PNLIPRP3: variants seen among roughly 807,000 people sequenced by gnomAD.
The protein encoded by PNLIPRP3 is pancreatic lipase-related protein 3.
In PNLIPRP3, 58 loss-of-function variants were observed where a neutral mutation model predicts 52.8. The ratio of observed to expected loss-of-function variants is 1.10; its 90% CI spans 0.89 to 1.37. The LOEUF is 1.37. Among genes scored for constraint, PNLIPRP3 ranks in the 40% most tolerant of loss-of-function variants. The pLI is 0.00. For missense variants in PNLIPRP3, 593 were observed against 561.6 expected (o/e 1.06, Z -0.57); for synonymous variants, 192 against 185.0 (o/e 1.04, Z -0.31).
intron 5 of PNLIPRP3, among the ~76,000 whole-genome samples, chr10:116,459,277 AAAAT>A (rs1846157407): frequency 6.9e-6 from 1 of 144,886 alleles, no homozygotes; most frequent in Non-Finnish European, 1.5e-5. Context: ...ATTAGTCAGA[AAAAT>A]AAAAAAAAAA....
intron 10 of PNLIPRP3, among the ~76,000 whole-genome samples, chr10:116,473,677 A>G (rs1846410383): frequency 6.6e-6 from 1 of 152,000 alleles, no homozygotes; most frequent in African/African-American, 2.4e-5. Context: ...GCCCACCACC[A>G]TGCCTGGCTA....
At chr10:116,457,970 A>G (rs1178102726) in intron 5 of PNLIPRP3, among the ~76,000 whole-genome samples, 1 of 152,198 alleles carries the variant, frequency 6.6e-6, no homozygotes, top group Non-Finnish European at 1.5e-5. Flanking sequence ...GTTTTTGGGC[A>G]ATCATGTTCC....
At chr10:116,430,613 G>A (rs931294437) in intron 1 of PNLIPRP3, among the ~76,000 whole-genome samples, 1 of 152,086 alleles carries the variant, frequency 6.6e-6, no homozygotes, top group Non-Finnish European at 1.5e-5. Context: ...ATTTACACTG[G>A]ATAAGAAGGG....
At chr10:116,436,632 T>C (rs535067609) in intron 1 of PNLIPRP3, 79 bp from the exon 2 acceptor site, 2 of 1,357,420 alleles carry the variant, frequency 1.5e-6, no homozygotes, top group Non-Finnish European at 2.0e-6. Flanking sequence ...AATTAAATTC[T>C]ACTTTAACTC....
At chr10:116,439,708 G>C in intron 2 of PNLIPRP3, 1 of 770,736 alleles carries the variant, frequency 1.3e-6, no homozygotes, top group Non-Finnish European at 2.4e-6. Context: ...GCCAGGGTTT[G>C]TGGATTTGAT....
intron 5 of PNLIPRP3, among the ~76,000 whole-genome samples, chr10:116,458,262 T>C (rs1338821973): frequency 1.3e-5 from 2 of 152,308 alleles, no homozygotes; most frequent in Non-Finnish European, 2.9e-5. Context: ...AAAATACACA[T>C]ACATACTACA....
rs1474448912 is a variant in PNLIPRP3, at chr10:116,436,710, G to A, written c.50-1G>A. The A allele has an allele frequency of 6.9e-6, 11 of 1,605,008 alleles. No homozygotes were observed. The highest frequency in any genetic ancestry group is 1.1e-5 in the South Asian group (1 of 89,696). On this transcript the variant is annotated splice_acceptor_variant, in intron 1 of 11. Transcript: ENST00000369230. LOFTEE classifies it high-confidence loss of function. ...ACTGACACTCCACCTTTCTGCTGCAGGAAAAGAAGTTTGCTATGAAAGGTT... is the reference window on the plus strand; with the variant it reads ...ACTGACACTCCACCTTTCTGCTGCAAGAAAAGAAGTTTGCTATGAAAGGTT...
chr10:116,438,335 G>A (rs190551215), intron 2 of PNLIPRP3, among the ~76,000 whole-genome samples: 1 of 152,198 alleles, frequency 6.6e-6, no homozygotes. Context: ...GGCCAGAGAA[G>A]ATCATTTCCA....
chr10:116,432,954 A>G lies in PNLIPRP3; in HGVS notation c.50-3757A>G, dbSNP rs192491637. Among the ~76,000 whole-genome samples, 631 of 151,834 alleles carry G rather than the reference A, an allele frequency of 4.2e-3. 1 individual carries two copies. The highest frequency in any genetic ancestry group is 7.2e-3 in the Non-Finnish European group (492 of 67,918). On this transcript the variant is annotated intron_variant, in intron 1 of 11. Coordinates refer to ENST00000369230, the MANE Select transcript of PNLIPRP3 (RefSeq NM_001011709.3). ...ATGGTGAAACCCTGTTTCTACTAAAAATACAAAAAATTAGCCAGGTGTGGA... is the reference window on the plus strand; with the variant it reads ...ATGGTGAAACCCTGTTTCTACTAAAGATACAAAAAATTAGCCAGGTGTGGA...
chr10:116,443,032 T>C (rs748314337), intron 2 of PNLIPRP3, 23 bp from the exon 3 acceptor site: 1 of 1,511,318 alleles, frequency 6.6e-7, no homozygotes, highest in South Asian at 1.3e-5. Flanking sequence ...TATTTTTCCT[T>C]AATCTCTTTC....
At chr10:116,450,847 T>C (rs1426387904) in intron 4 of PNLIPRP3, among the ~76,000 whole-genome samples, 1 of 152,080 alleles carries the variant, frequency 6.6e-6, no homozygotes, top group Non-Finnish European at 1.5e-5. Context: ...GTCAATATTA[T>C]CAAAATGTTC....
In PNLIPRP3 at chr10:116,455,795, C is replaced by T. The variant is rs1211111630; in HGVS notation, c.530C>T (p.Ala177Val). 1 of 1,613,448 alleles carries T rather than the reference C, an allele frequency of 6.2e-7. No individual in the cohort carries two copies. Among genetic ancestry groups the T allele is most frequent in the African/African-American group, 1.3e-5 (1 of 74,894 alleles). Residue 177 changes from alanine (A) to valine (V), a missense_variant, in exon 5 of 12, where the codon GCT (alanine) becomes GTT (valine). By Grantham distance (64) the Ala-to-Val change is moderately conservative (BLOSUM62 0). Transcript: ENST00000369230. ...HSLGAHLAGE[A>V]GSRIPGLGRI... ...TTGGGAGCACACCTGGCTGGGGAAG[C>T]TGGGTCAAGGATACCAGGCCTTGGA... is the stretch of plus-strand genomic sequence containing the variant.
At chr10:116,454,508 A>C (rs1288708013) in intron 4 of PNLIPRP3, among the ~76,000 whole-genome samples, 2 of 152,208 alleles carry the variant, frequency 1.3e-5, no homozygotes, top group Non-Finnish European at 2.9e-5. Context: ...CTAAGCAATA[A>C]ATCTCAGAAA....
chr10:116,439,704 GTTTGTGGA>G (rs1845830125), intron 2 of PNLIPRP3: 2 of 770,350 alleles, frequency 2.6e-6, no homozygotes, highest in African/African-American at 3.4e-5. Context: ...AGAAGCCAGG[GTTTGTGGA>G]TTTGATCTAG....
At chr10:116,439,969 T>C (rs2133116326) in intron 2 of PNLIPRP3, 1 of 835,858 alleles carries the variant, frequency 1.2e-6, no homozygotes, top group East Asian at 2.4e-5. Flanking sequence ...CTTCTTATGT[T>C]CTTCTCTGCA....
chr10:116,450,509 T>C (rs1427365675), intron 4 of PNLIPRP3, among the ~76,000 whole-genome samples: 2 of 151,760 alleles, frequency 1.3e-5, no homozygotes, highest in African/African-American at 4.8e-5. Flanking sequence ...TATTAAGAAA[T>C]GAACAAAACT....
chr10:116,461,045 C>T lies in PNLIPRP3; in HGVS notation c.645C>T (p.Asp215=), dbSNP rs201251164. Residue 215 remains aspartate (D), a synonymous_variant, in exon 6 of 12, where the codon GAC becomes GAT. Transcript: ENST00000369230. ...ACCCCTCGGATGCCAACTTTGTTGA[C>T]GTTATTCATACAAATGCAGCTCGCA... The part of the protein sequence containing the change: ...RLDPSDANFV[D]VIHTNAARIL... The T allele has an allele frequency of 1.7e-5, 27 of 1,614,118 alleles. No homozygotes were observed. Among genetic ancestry groups the T allele is most frequent in the Middle Eastern group, 1.6e-4 (1 of 6,062 alleles).
At chr10:116,438,937 T>C (rs1217456816) in intron 2 of PNLIPRP3, among the ~76,000 whole-genome samples, 1 of 152,174 alleles carries the variant, frequency 6.6e-6, no homozygotes, top group Non-Finnish European at 1.5e-5. Context: ...ATACATAATA[T>C]AACATGGATG....
chr10:116,446,835 C>T (rs1845960627), intron 4 of PNLIPRP3, among the ~76,000 whole-genome samples: 1 of 152,178 alleles, frequency 6.6e-6, no homozygotes, highest in Admixed American at 6.5e-5. Context: ...GACCCAGCAC[C>T]ATATGATCTG....
Sources: allele counts gnomAD v4.1 joint callset (sites outside exome capture counted in the v4.1 genomes callset), GRCh38; gene constraint gnomAD v4.1.1; transcripts MANE v1.5; gene names NCBI Gene and HGNC (gene_info 2026-07-23, HGNC 2026-07-21).